Variants in DIP2C observed in about 807,000 individuals in gnomAD.
The protein encoded by DIP2C is disco-interacting protein 2 homolog C.
DIP2C carries 33 observed loss-of-function variants against 192.4 expected under a neutral mutation model. That is an observed-to-expected ratio of 0.17 (90% CI 0.13 to 0.23). The LOEUF is 0.23. DIP2C is among the 10% of genes least tolerant of loss of function. The probability of loss-of-function intolerance (pLI) is 1.00; values close to 1 mark genes in which losing one functional copy is unlikely to be tolerated. For missense variants in DIP2C, 1,537 were observed against 2,110.1 expected (o/e 0.73, Z 5.32); for synonymous variants, 979 against 864.1 (o/e 1.13, Z -2.33).
chr10:445,622 C>T lies in DIP2C; in HGVS notation c.269-4626G>A, dbSNP rs548144340. The stretch of plus-strand genomic sequence containing the variant: ...ACTGGGCATCTGTATACAACTGTTG[C>T]GAAGAGTCTATCTTGCACTGGGCAT... On this transcript the variant is annotated intron_variant, in intron 3 of 36. Transcript: ENST00000280886. 2.4e-4 allele frequency among the ~76,000 whole-genome samples: 32 copies of T among 133,220 alleles called. 1 individual carries two copies. Among genetic ancestry groups the T allele is most frequent in the Admixed American group, 5.6e-4 (7 of 12,526 alleles). 87.4% of individuals were successfully genotyped at this position (133,220 alleles called of 152,430 possible).
At chr10:649,837 T>G in intron 1 of DIP2C, 2 of 475,752 alleles carry the variant, frequency 4.2e-6, no homozygotes, top group South Asian at 2.8e-5. Flanking sequence ...ATTGAAGTTT[T>G]TATTTGCAGT....
rs745668209 is a variant in DIP2C at position 344,900 on chromosome 10, C to G, written c.3362G>C (p.Arg1121Pro). The change falls in exon 28 of 37, where the codon CGG becomes CCG. Residue 1121 changes from arginine (R) to proline (P), a missense_variant. Physicochemically the swap from Arg to Pro is moderately radical, Grantham distance 103. Coordinates refer to ENST00000280886, the MANE Select transcript of DIP2C (RefSeq NM_014974.3). Reference sequence around the variant, plus strand: ...GCAAGGTTTGCAGATCTGGGCAGGCCGCTTCTTTGGCAAATCATCTGGAGA... The same window carrying G: ...GCAAGGTTTGCAGATCTGGGCAGGCGGCTTCTTTGGCAAATCATCTGGAGA... ...ILDTDDLPKKRPAQICKPCNP... is the reference protein window; with the variant it reads ...ILDTDDLPKKPPAQICKPCNP... 6.2e-7 allele frequency: 1 copy of G among 1,606,992 alleles called. No homozygotes were observed. The highest frequency in any genetic ancestry group is 1.7e-5 in the Admixed American group (1 of 58,944).
chr10:278,743 G>A (rs1233392350), intron 36 of DIP2C, among the ~76,000 whole-genome samples: 2 of 152,210 alleles, frequency 1.3e-5, no homozygotes, highest in African/African-American at 4.8e-5. Context: ...GATTAAGTCT[G>A]CCCAACTGGC....
intron 1 of DIP2C, among the ~76,000 whole-genome samples, chr10:577,423 C>T (rs1296898794): frequency 6.6e-6 from 1 of 152,260 alleles, no homozygotes; most frequent in African/African-American, 2.4e-5. Flanking sequence ...ACAGTTTGCA[C>T]ACCTGTTGTG....
At chr10:493,987 CCTG>C (rs1055408665) in intron 1 of DIP2C, among the ~76,000 whole-genome samples, 8 of 152,288 alleles carry the variant, frequency 5.3e-5, no homozygotes, top group Admixed American at 3.9e-4. Context: ...ATATCACAGC[CCTG>C]CTGAAGGGGG....
At chr10:548,464 GAGGC>G (rs1554897921) in intron 1 of DIP2C, among the ~76,000 whole-genome samples, 3 of 144,690 alleles carry the variant, frequency 2.1e-5, no homozygotes, top group Admixed American at 6.8e-5. Context: ...GGGAGGGAGG[GAGGC>G]AGGCAGGCAG....
chr10:458,337 T>A (rs1013826673), intron 3 of DIP2C, among the ~76,000 whole-genome samples: 2 of 152,172 alleles, frequency 1.3e-5, no homozygotes, highest in African/African-American at 4.8e-5. Flanking sequence ...AATCAGTAAA[T>A]CCAGACTGAC....
chr10:305,163 C>T (rs1956253926), intron 32 of DIP2C, among the ~76,000 whole-genome samples: 1 of 152,220 alleles, frequency 6.6e-6, no homozygotes, highest in Non-Finnish European at 1.5e-5. Context: ...TGCACAAACT[C>T]ATACTCTCAT....
intron 31 of DIP2C, among the ~76,000 whole-genome samples, chr10:323,691 T>C (rs1055556436): frequency 3.9e-5 from 6 of 152,260 alleles, no homozygotes; most frequent in Non-Finnish European, 7.3e-5. Context: ...ATTTATAAGC[T>C]AAAGTGTATT....
chr10:380,242 T>C (rs1285585765), intron 17 of DIP2C, among the ~76,000 whole-genome samples: 1 of 149,760 alleles, frequency 6.7e-6, no homozygotes, highest in Non-Finnish European at 1.5e-5. Flanking sequence ...GAAGAGGCTG[T>C]CCCTGGAAGA....
At position 369,651 on chromosome 10, in the gene DIP2C, A is replaced by C. The variant is rs1960718798; in HGVS notation, c.1992-18T>G. The C allele has an allele frequency of 1.2e-6, 2 of 1,614,068 alleles. No individual in the cohort carries two copies. Among genetic ancestry groups the C allele is most frequent in the Non-Finnish European group, 1.7e-6 (2 of 1,180,006 alleles). The stretch of plus-strand genomic sequence containing the variant: ...CCGTGGGCCTGTAATGACAGTTTTT[A>C]ACTTGAATATGCAGGAGCAGATAAG... On this transcript the variant is annotated intron_variant, in intron 17 of 36. Coordinates refer to ENST00000280886, the MANE Select transcript of DIP2C (RefSeq NM_014974.3).
At position 384,583 on chromosome 10, in the gene DIP2C, G is replaced by T. The variant is rs757445710; in HGVS notation, c.1719C>A (p.Asn573Lys). ...ISIPYSLMKV[N>K]PLSWIQKVCQ... ...AGACCTTCTGGATCCAGGAGAGAGG[G>T]TTCACCTTCATCAGCGAGTACGGGA... The change falls in exon 15 of 37, where the codon AAC becomes AAA. Residue 573 changes from asparagine (N) to lysine (K), a missense_variant. Coordinates refer to ENST00000280886, the MANE Select transcript of DIP2C (RefSeq NM_014974.3). 1 of 1,613,942 alleles carries T rather than the reference G, an allele frequency of 6.2e-7. No homozygotes were observed. The highest frequency in any genetic ancestry group is 8.5e-7 in the Non-Finnish European group (1 of 1,180,010).
At position 329,463 on chromosome 10, in the gene DIP2C, C is replaced by T. The variant is rs1957405498; in HGVS notation, c.3723G>A (p.Lys1241=). 6.2e-7 allele frequency: 1 copy of T among 1,614,094 alleles called. No homozygotes were observed. Among genetic ancestry groups the T allele is most frequent in the South Asian group, 1.1e-5 (1 of 91,064 alleles). The change falls in exon 30 of 37, where the codon AAG becomes AAA. Residue 1241 remains lysine, a synonymous_variant. Coordinates refer to ENST00000280886, the MANE Select transcript of DIP2C (RefSeq NM_014974.3). ...GGGACTCTGTTTGCGAGCCCAGCCC[C>T]TTGGTGCACAGCTCCATCACGGAGT... The part of the protein sequence containing the change: ...CSYSVMELCT[K]GLGSQTESLK...
In DIP2C at chr10:349,394, C is replaced by T. The variant is rs772971711; in HGVS notation, c.3046G>A (p.Val1016Met). 1.6e-5 allele frequency: 26 copies of T among 1,611,332 alleles called. No homozygotes were observed. The highest frequency in any genetic ancestry group is 2.7e-5 in the African/African-American group (2 of 74,942). ...AGGTGGCCCCTCTCCATCAGCATCACGGCGATCTTCTCAGCTCTCTTGTGC... is the reference window on the plus strand; with the variant it reads ...AGGTGGCCCCTCTCCATCAGCATCATGGCGATCTTCTCAGCTCTCTTGTGC... ...QLHKRAEKIAVMLMERGHLQD... is the reference protein window; with the variant it reads ...QLHKRAEKIAMMLMERGHLQD... The change falls in exon 25 of 37, where the codon GTG (valine) becomes ATG (methionine). Residue 1016 changes from valine (V) to methionine (M), a missense_variant. Transcript: ENST00000280886.
intron 17 of DIP2C, among the ~76,000 whole-genome samples, chr10:379,721 GC>G (rs547293291): frequency 4.3e-4 from 66 of 152,346 alleles, no homozygotes; most frequent in African/African-American, 1.5e-3. Context: ...GCATTCTACT[GC>G]AGATAATCGT....
chr10:453,368 T>A (rs1026555698), intron 3 of DIP2C, among the ~76,000 whole-genome samples: 2 of 152,210 alleles, frequency 1.3e-5, no homozygotes, highest in African/African-American at 4.8e-5. Flanking sequence ...TCAACAGACA[T>A]GTGTGCAAAC....
chr10:514,585 G>T (rs559353525), intron 1 of DIP2C, among the ~76,000 whole-genome samples: 1 of 152,280 alleles, frequency 6.6e-6, no homozygotes, highest in Non-Finnish European at 1.5e-5. Flanking sequence ...TCCAAGGACC[G>T]CGGGTTCCAG....
chr10:448,069 CCGTCTATACTCAGGATCACACACAG>C (rs1968445217), intron 3 of DIP2C, among the ~76,000 whole-genome samples: 1 of 134,522 alleles, frequency 7.4e-6, no homozygotes, highest in Admixed American at 6.9e-5. Flanking sequence ...CCACTCATCC[CCGTCTATACTCAGGATCACACACAG>C]TGGGGCAGCA....
intron 5 of DIP2C, among the ~76,000 whole-genome samples, chr10:420,246 G>A (rs1966090517): frequency 6.6e-6 from 1 of 152,254 alleles, no homozygotes; most frequent in Admixed American, 6.5e-5. Flanking sequence ...AGAAGATCGA[G>A]GCACAGAAGA....
Sources: gnomAD v4.1 joint callset for allele counts (sites outside exome capture counted in the v4.1 genomes callset) on GRCh38, gnomAD v4.1.1 for gene constraint, MANE v1.5 for transcripts, NCBI Gene and HGNC (gene_info 2026-07-23, HGNC 2026-07-21) for gene names.